MAST1: variants seen among roughly 807,000 people sequenced by gnomAD.
MAST1 encodes microtubule-associated serine/threonine-protein kinase 1.
In MAST1, 40 loss-of-function variants were observed where a neutral mutation model predicts 124.6. The observed-to-expected ratio is 0.32, with a 90% confidence interval of 0.25 to 0.42. The LOEUF is 0.42. Among genes scored for constraint, MAST1 ranks in the 10% least tolerant of loss-of-function variants. The pLI is 1.00. For missense variants in MAST1, 1,558 were observed against 2,181.9 expected, an observed-to-expected ratio of 0.71 and a Z score of 5.70; for synonymous variants, 938 against 939.4, an observed-to-expected ratio of 1.00 and a Z score of 0.03.
chr19:12,858,966 T>C, intron 12 of MAST1: 2 of 603,150 alleles, frequency 3.3e-6, no homozygotes, highest in Non-Finnish European at 5.9e-6. Flanking sequence ...AAACATTCAG[T>C]CTGACCCATT....
rs779740407 is a variant in MAST1 at position 12,867,962 on chromosome 19, G to A, written c.2551G>A (p.Gly851Arg). ...ETQGEGTSSA[G>R]DSEATDRPRP... ...TCAAGGGGAAGGCACCTCCAGCGCC[G>A]GGGACTCCGAGGCCAGTGAGTGCCC... is the stretch of plus-strand genomic sequence containing the variant. The change falls in exon 20 of 26, where the codon GGG (glycine) becomes AGG (arginine). Residue 851 changes from glycine to arginine, a missense_variant. Physicochemically the swap from Gly to Arg is moderately radical, Grantham distance 125. Around this residue, in one of 10 missense-constraint regions of MAST1, gnomAD observed 287 missense variants for 308.0 expected, o/e 0.93. Transcript: ENST00000251472. 9 of 1,553,646 alleles carry A rather than the reference G, an allele frequency of 5.8e-6. No homozygotes were observed. The highest frequency in any genetic ancestry group is 2.8e-5 in the African/African-American group (2 of 72,288).
chr19:12,851,881 C>A, intron 7 of MAST1, 53 bp from the exon 8 acceptor site: 1 of 1,401,672 alleles, frequency 7.1e-7, no homozygotes, highest in South Asian at 1.2e-5. Flanking sequence ...AGAGAGGGGC[C>A]GGGCTGAGGC....
chr19:12,869,166 A>C lies in MAST1; in HGVS notation c.2874A>C (p.Ser958=). 6.2e-7 allele frequency: 1 copy of C among 1,614,058 alleles called. No homozygotes were observed. The highest frequency in any genetic ancestry group is 8.5e-7 in the Non-Finnish European group (1 of 1,179,992). Residue 958 remains serine (S), a synonymous_variant, in exon 22 of 26, where the codon TCA becomes TCC. Coordinates refer to ENST00000251472, the MANE Select transcript of MAST1 (RefSeq NM_014975.3). The part of the protein sequence containing the change: ...SRDSSPSRDY[S]PAVSGLRSPI... ...ACTCCTCACCCAGCCGGGACTACTC[A>C]CCAGCTGTCAGTGGGCTCCGCTCCC...
At position 12,841,298 on chromosome 19, in the gene MAST1, C is replaced by T. The variant is rs1969824114; in HGVS notation, c.248+232C>T. 6.6e-6 allele frequency among the ~76,000 whole-genome samples: 1 copy of T among 152,248 alleles called. No homozygotes were observed. The highest frequency in any genetic ancestry group is 2.1e-4 in the South Asian group (1 of 4,832). ...GAAGGCGGTGGGGCTCCCTTTGCGG[C>T]AGGTCGAAAGCGCGTGCGCCCTGGG... is the stretch of plus-strand genomic sequence containing the variant. On this transcript the variant is annotated intron_variant, in intron 3 of 25. Transcript: ENST00000251472. The surrounding 1 kb of genome is among the most constrained non-coding windows in gnomAD (Gnocchi z 4.3).
chr19:12,862,818 C>T (rs1317569065), intron 12 of MAST1, among the ~76,000 whole-genome samples: 1 of 151,840 alleles, frequency 6.6e-6, no homozygotes, highest in Non-Finnish European at 1.5e-5. Context: ...TAGGTATGCA[C>T]CACCACACCT....
At position 12,843,672 on chromosome 19, in the gene MAST1, AC is replaced by A; in HGVS notation, c.327+68del. ...AATTCAGGGGCCCTCCAGCCTGAAG[AC>A]CCACACCCAGGCCAGCAGTCCAGGC... is the stretch of plus-strand genomic sequence containing the variant. On this transcript the variant is annotated intron_variant, in intron 4 of 25. Transcript: ENST00000251472. This position sits in a 1 kb window ranked among gnomAD's most constrained non-coding sequence, Gnocchi z 4.9. The A allele has an allele frequency of 7.0e-7, 1 of 1,436,198 alleles. No individual in the cohort carries two copies. The allele number at this position is 1,436,198 out of a possible 1,614,324, so 89.0% of individuals were successfully genotyped here.
chr19:12,853,397 G>C (rs1002285994), intron 10 of MAST1, among the ~76,000 whole-genome samples: 7 of 151,382 alleles, frequency 4.6e-5, no homozygotes, highest in Non-Finnish European at 1.0e-4. Flanking sequence ...AGCCTGGGCA[G>C]CATAAAAAAT....
chr19:12,845,157 C>G lies in MAST1; in HGVS notation c.327+1550C>G, dbSNP rs555474326. Among the ~76,000 whole-genome samples, 14 of 152,040 alleles carry G rather than the reference C, an allele frequency of 9.2e-5. No individual in the cohort carries two copies. In the South Asian group the frequency reaches 2.9e-3, roughly 32 times the overall value. The stretch of plus-strand genomic sequence containing the variant: ...TCTCTAGTAAAAATACAAAAATGAG[C>G]CAGGCGTGGTCATGGATGCCTGTAA... On this transcript the variant is annotated intron_variant, in intron 4 of 25. Transcript: ENST00000251472.
At chr19:12,850,254 AC>A (rs1481995711) in intron 7 of MAST1, among the ~76,000 whole-genome samples, 1 of 152,162 alleles carries the variant, frequency 6.6e-6, no homozygotes, top group Non-Finnish European at 1.5e-5. Flanking sequence ...TTAGAAGCTA[AC>A]CCCTGTAATC....
Position 12,868,741 on chromosome 19 carries a change from C to T in MAST1, c.2665C>T (p.His889Tyr), listed in dbSNP as rs755283785. The T allele has an allele frequency of 5.6e-6, 9 of 1,613,036 alleles. 1 individual carries two copies. The South Asian group carries it at 9.9e-5, about 18-fold the overall frequency. The change falls in exon 21 of 26, where the codon CAC becomes TAC. Residue 889 changes from histidine (H) to tyrosine (Y), a missense_variant. Around this residue, in one of 10 missense-constraint regions of MAST1, gnomAD observed 287 missense variants for 308.0 expected, o/e 0.93. Coordinates refer to ENST00000251472, the MANE Select transcript of MAST1 (RefSeq NM_014975.3). The stretch of plus-strand genomic sequence containing the variant: ...TGACTTGGTTCTGCGCCGGGCGCGG[C>T]ACCAGCAGATGTCAGGGGATGTGGC... ...TNDLVLRRAR[H>Y]QQMSGDVAVE...
At chr19:12,867,354 G>A in intron 18 of MAST1, 120 bp from the exon 19 acceptor site, 1 of 1,128,142 alleles carries the variant, frequency 8.9e-7, no homozygotes, top group Non-Finnish European at 1.3e-6. Flanking sequence ...TGCACAATTG[G>A]GCGGAGCCAG....
Position 12,867,807 on chromosome 19 carries a change from C to T in MAST1, c.2396C>T (p.Ser799Leu). The change falls in exon 20 of 26, where the codon TCG becomes TTG. Residue 799 changes from serine (S) to leucine (L), a missense_variant. By Grantham distance (145) the Ser-to-Leu change is moderately radical. Transcript: ENST00000251472. ...SPPLGARRRF[S>L]ALLEPSRFSA... Reference sequence around the variant, plus strand: ...CCTTTGGGCGCCCGCCGCCGTTTCTCGGCGCTGCTGGAGCCCAGCCGCTTC... The same window carrying T: ...CCTTTGGGCGCCCGCCGCCGTTTCTTGGCGCTGCTGGAGCCCAGCCGCTTC... The T allele has an allele frequency of 1.3e-6, 2 of 1,579,160 alleles. No individual in the cohort carries two copies. The highest frequency in any genetic ancestry group is 1.7e-6 in the Non-Finnish European group (2 of 1,164,094).
In MAST1 at chr19:12,843,475, A is replaced by C; in HGVS notation, c.249-54A>C. 1 of 1,418,622 alleles carries C rather than the reference A, an allele frequency of 7.0e-7. No individual in the cohort carries two copies. Among genetic ancestry groups the C allele is most frequent in the Non-Finnish European group, 9.9e-7 (1 of 1,008,578 alleles). 87.9% of individuals were successfully genotyped at this position (1,418,622 alleles called of 1,614,324 possible). A position where few individuals can be genotyped will look rare whatever the true frequency, so the allele number is the denominator to read the frequency against. ...CAGTGGCTTCACCCACACCCTGAGG[A>C]GTTGGGGGACCGCTGGGGCCTTGTG... On this transcript the variant is annotated intron_variant, in intron 3 of 25. Transcript: ENST00000251472. This position sits in a 1 kb window ranked among gnomAD's most constrained non-coding sequence, Gnocchi z 4.9.
intron 3 of MAST1, among the ~76,000 whole-genome samples, chr19:12,842,588 C>T (rs1969844497): frequency 6.6e-6 from 1 of 152,200 alleles, no homozygotes; most frequent in Non-Finnish European, 1.5e-5. Context: ...CCACCGCGCC[C>T]GTCCAGTTTA....
rs1970260602 is a variant in MAST1, at chr19:12,873,244, G to T, written c.3264-80G>T. The T allele has an allele frequency of 3.5e-6, 5 of 1,429,190 alleles. No homozygotes were observed. In the South Asian group the frequency reaches 6.2e-5, roughly 18 times the overall value. The allele number at this position is 1,429,190 out of a possible 1,614,324, so 88.5% of individuals were successfully genotyped here. A position where few individuals can be genotyped will look rare whatever the true frequency, so the allele number is the denominator to read the frequency against. The stretch of plus-strand genomic sequence containing the variant: ...GGGCCAGAAGGGGTGGGTGGTTACC[G>T]TTGTGAGGCCGTGAAATGGGAGGAG... On this transcript the variant is annotated intron_variant, in intron 24 of 25. Transcript: ENST00000251472.
chr19:12,843,714 T>C lies in MAST1; in HGVS notation c.327+107T>C, dbSNP rs978740271. ...CAGTCCAGGCTGGGCTTGATGACAG[T>C]TTAGGGCCAGGCTCAGTGACTCAAG... On this transcript the variant is annotated intron_variant, in intron 4 of 25. Transcript: ENST00000251472. The surrounding 1 kb of genome is among the most constrained non-coding windows in gnomAD (Gnocchi z 4.9). The C allele has an allele frequency of 2.2e-6, 2 of 928,276 alleles. No homozygotes were observed. Among genetic ancestry groups the C allele is most frequent in the Non-Finnish European group, 3.3e-6 (2 of 609,458 alleles). The allele number at this position is 928,276 out of a possible 1,614,324, so 57.5% of individuals were successfully genotyped here.
chr19:12,868,942 G>T, intron 21 of MAST1, 93 bp downstream of exon 21: 1 of 1,544,574 alleles, frequency 6.5e-7, no homozygotes, highest in Non-Finnish European at 8.8e-7. Context: ...TGTCCACCGT[G>T]ATTGGCTCCA....
intron 12 of MAST1, among the ~76,000 whole-genome samples, chr19:12,861,999 CTTTTTTTT>C (rs55931366): frequency 8.1e-6 from 1 of 122,996 alleles, no homozygotes; most frequent in African/African-American, 3.1e-5. Context: ...CCGTGCCTGC[CTTTTTTTT>C]TTTTTTTTTT....
intron 24 of MAST1, 27 bp from the exon 25 acceptor site, chr19:12,873,296 GA>G: frequency 6.2e-7 from 1 of 1,601,130 alleles, no homozygotes; most frequent in African/African-American, 1.3e-5. Context: ...CCAGGTCAAG[GA>G]CGCTTGGCCC....
Sources: gnomAD v4.1 joint callset for allele counts (sites outside exome capture counted in the v4.1 genomes callset) on GRCh38, gnomAD v4.1.1 for gene constraint, gnomAD v4.1.1 regional missense constraint, Gnocchi (gnomAD v3.1) non-coding constraint, MANE v1.5 for transcripts, NCBI Gene and HGNC (gene_info 2026-07-23, HGNC 2026-07-21) for gene names.